Variants in MAF observed in about 807,000 individuals in gnomAD.
MAF encodes MAF bZIP transcription factor.
A neutral mutation model predicts 22.0 loss-of-function variants in MAF; 10 were observed. That is an observed-to-expected ratio of 0.45 (90% CI 0.28 to 0.77). The LOEUF is 0.77. Ranked by LOEUF, MAF falls within the 30% of genes least tolerant of loss-of-function variation. The pLI is 0.12. For missense variants in MAF, 544 were observed against 548.4 expected, an observed-to-expected ratio of 0.99 and a Z score of 0.08; for synonymous variants, 337 against 255.8, an observed-to-expected ratio of 1.32 and a Z score of -3.03.
the MAF span, among the ~76,000 whole-genome samples, chr16:79,342,849 C>G: frequency 6.6e-6 from 1 of 152,094 alleles, no homozygotes; most frequent in Non-Finnish European, 1.5e-5. Context: ...ATAGCAGAAC[C>G]AGAATTGAAA....
the MAF span, among the ~76,000 whole-genome samples, chr16:79,234,164 A>C: frequency 3.9e-5 from 6 of 152,000 alleles, no homozygotes; most frequent in Admixed American, 6.6e-5. Context: ...ACTGTCCTTC[A>C]CACTTGTGTG....
At chr16:79,392,490 A>G in the MAF span, among the ~76,000 whole-genome samples, 1 of 129,336 alleles carries the variant, frequency 7.7e-6, no homozygotes, top group African/African-American at 2.9e-5. Flanking sequence ...GGATGGAGAG[A>G]TAGGAGGAGA....
chr16:79,216,882 T>A, the MAF span, among the ~76,000 whole-genome samples: 1 of 151,794 alleles, frequency 6.6e-6, no homozygotes, highest in Non-Finnish European at 1.5e-5. Flanking sequence ...CGATCTTTGC[T>A]CACTGCCACA....
the MAF span, among the ~76,000 whole-genome samples, chr16:79,295,095 G>A: frequency 6.6e-6 from 1 of 151,582 alleles, no homozygotes; most frequent in Non-Finnish European, 1.5e-5. Context: ...TGGGGGTGGG[G>A]GAGGGGGCAG....
At chr16:79,335,390 T>A in the MAF span, among the ~76,000 whole-genome samples, 11 of 152,144 alleles carry the variant, frequency 7.2e-5, no homozygotes, top group South Asian at 2.1e-4. Flanking sequence ...ACTGGCTTCT[T>A]CGAAGAAGAA....
At chr16:79,347,443 C>A in the MAF span, among the ~76,000 whole-genome samples, 926 of 152,342 alleles carry the variant, frequency 6.1e-3, 2 homozygotes, top group Non-Finnish European at 9.2e-3. Context: ...CGGCTCCAAA[C>A]CCAAAGCGAA....
At chr16:79,537,943 G>A in the MAF span, among the ~76,000 whole-genome samples, 6 of 152,202 alleles carry the variant, frequency 3.9e-5, no homozygotes, top group East Asian at 1.9e-4. Context: ...TTTCACAGAC[G>A]CGTAAACTGA....
the MAF span, among the ~76,000 whole-genome samples, chr16:79,549,591 G>A: frequency 7.9e-5 from 12 of 152,280 alleles, no homozygotes; most frequent in South Asian, 1.9e-3. Context: ...CAATTACACT[G>A]GCCATGTCCT....
downstream of MAF, among the ~76,000 whole-genome samples, chr16:79,583,046 T>G (rs988118793): frequency 6.6e-6 from 1 of 152,194 alleles, no homozygotes; most frequent in African/African-American, 2.4e-5. Flanking sequence ...CAAGGGAAAT[T>G]TGGTTATGGC....
the MAF span, among the ~76,000 whole-genome samples, chr16:79,271,278 G>C: frequency 1.3e-5 from 2 of 150,688 alleles, no homozygotes; most frequent in African/African-American, 2.4e-5. Context: ...CCCATTTACA[G>C]ATAGGAGAGT....
At chr16:79,587,435 T>C (rs1472204337) in intron 1 of MAF, among the ~76,000 whole-genome samples, 2 of 152,102 alleles carry the variant, frequency 1.3e-5, no homozygotes, top group African/African-American at 4.8e-5. Flanking sequence ...TTACTTTTTT[T>C]TTAATCTTTA....
the MAF span, among the ~76,000 whole-genome samples, chr16:79,402,922 G>C: frequency 6.6e-6 from 1 of 152,162 alleles, no homozygotes; most frequent in African/African-American, 2.4e-5. Context: ...GGTTGAGCTG[G>C]GCACATGTGG....
At chr16:79,279,573 G>A in the MAF span, among the ~76,000 whole-genome samples, 1 of 152,144 alleles carries the variant, frequency 6.6e-6, no homozygotes, top group African/African-American at 2.4e-5. Flanking sequence ...GGATGACGAA[G>A]CTGGAGAGAG....
At chr16:79,385,521 G>C in the MAF span, among the ~76,000 whole-genome samples, 1 of 152,236 alleles carries the variant, frequency 6.6e-6, no homozygotes, top group Non-Finnish European at 1.5e-5. Context: ...ACGTACGCAA[G>C]CATGCGTCTA....
At chr16:79,539,568 T>C in the MAF span, among the ~76,000 whole-genome samples, 4 of 152,230 alleles carry the variant, frequency 2.6e-5, no homozygotes, top group Non-Finnish European at 5.9e-5. Context: ...TAACAATTTT[T>C]CGTGAACATT....
chr16:79,378,394 A>G, the MAF span, among the ~76,000 whole-genome samples: 47 of 152,224 alleles, frequency 3.1e-4, no homozygotes, highest in Non-Finnish European at 5.6e-4. Context: ...TTATTCTATT[A>G]TTATAAAAAT....
the MAF span, among the ~76,000 whole-genome samples, chr16:79,390,816 G>C: frequency 6.6e-6 from 1 of 152,182 alleles, no homozygotes. Context: ...CTTGGTCCAG[G>C]TTGGAGCATG....
chr16:79,311,623 T>C, the MAF span, among the ~76,000 whole-genome samples: 1 of 152,158 alleles, frequency 6.6e-6, no homozygotes, highest in East Asian at 1.9e-4. Context: ...CAAGCCCAGG[T>C]TGGACTCAAA....
At chr16:79,376,125 A>T in the MAF span, among the ~76,000 whole-genome samples, 12 of 150,480 alleles carry the variant, frequency 8.0e-5, no homozygotes, top group Non-Finnish European at 1.5e-4. Flanking sequence ...AAAAAAGAGC[A>T]AAAAAAAATC....
Sources: allele counts gnomAD v4.1 joint callset (sites outside exome capture counted in the v4.1 genomes callset), GRCh38; gene constraint gnomAD v4.1.1; transcripts MANE v1.5; gene names NCBI Gene and HGNC (gene_info 2026-07-23, HGNC 2026-07-21).